The following PDZRN4 variants were observed in gnomAD, a reference collection of about 807,000 sequenced individuals.
PDZRN4 encodes the protein PDZ domain containing ring finger 4.
Under a neutral mutation model 99.0 loss-of-function variants are expected in PDZRN4, and 70 were observed. That is an observed-to-expected ratio of 0.71 (90% CI 0.58 to 0.86). PDZRN4 has a LOEUF of 0.86. PDZRN4 is among the 40% of genes least tolerant of loss of function. The probability of loss-of-function intolerance (pLI) is 0.00; values close to 1 mark genes in which losing one functional copy is unlikely to be tolerated. For missense variants in PDZRN4, 1,474 were observed against 1,331.2 expected (o/e 1.11, Z -1.67); for synonymous variants, 551 against 501.6 (o/e 1.10, Z -1.32).
At chr12:41,485,089 T>C (rs1312954513) in intron 3 of PDZRN4, among the ~76,000 whole-genome samples, 1 of 152,168 alleles carries the variant, frequency 6.6e-6, no homozygotes, top group Non-Finnish European at 1.5e-5. Flanking sequence ...AGAGTTCTGA[T>C]ATTAGTTGAT....
intron 3 of PDZRN4, among the ~76,000 whole-genome samples, chr12:41,238,431 C>T (rs1042772294): frequency 1.3e-5 from 2 of 152,106 alleles, no homozygotes; most frequent in African/African-American, 4.8e-5. Context: ...TTAGAGTGAA[C>T]AGAAAACCTA....
At position 41,506,494 on chromosome 12, in the gene PDZRN4, G is replaced by C. The variant is rs1212458561; in HGVS notation, c.882G>C (p.Glu294Asp). The C allele has an allele frequency of 1.2e-6, 2 of 1,613,586 alleles. No homozygotes were observed. The highest frequency in any genetic ancestry group is 2.7e-5 in the African/African-American group (2 of 74,914). ...ATCTTTCAAAGGCCACTCATGAAGA[G>C]GCAGTGGAAGCTTTTCGCAATGCCA... ...GKDLSKATHE[E>D]AVEAFRNAKE... is the part of the protein sequence containing the mutation. Residue 294 changes from glutamate (E) to aspartate (D), a missense_variant, in exon 4 of 10, where the codon GAG becomes GAC. Glu to Asp is a conservative substitution (Grantham distance 45). Transcript: ENST00000402685.
chr12:41,327,272 C>G (rs1262799799), intron 3 of PDZRN4, among the ~76,000 whole-genome samples: 1 of 152,188 alleles, frequency 6.6e-6, no homozygotes, highest in Non-Finnish European at 1.5e-5. Flanking sequence ...TGAGCATATC[C>G]TCCTGTGGGT....
intron 5 of PDZRN4, among the ~76,000 whole-genome samples, chr12:41,517,323 A>C (rs1035589823): frequency 6.6e-6 from 1 of 152,104 alleles, no homozygotes; most frequent in Non-Finnish European, 1.5e-5. Context: ...GCCGACATTC[A>C]ATTTTTGTTT....
chr12:41,352,153 T>C (rs536105285), intron 3 of PDZRN4, among the ~76,000 whole-genome samples: 1 of 152,140 alleles, frequency 6.6e-6, no homozygotes, highest in East Asian at 1.9e-4. Context: ...TGCACTGGAT[T>C]TGGCAAATGA....
At chr12:41,378,187 G>T (rs1358601904) in intron 3 of PDZRN4, among the ~76,000 whole-genome samples, 1 of 152,144 alleles carries the variant, frequency 6.6e-6, no homozygotes, top group Non-Finnish European at 1.5e-5. Context: ...TATCAAGAAA[G>T]AATGTGGAAT....
chr12:41,261,354 A>G (rs544610278), intron 3 of PDZRN4, among the ~76,000 whole-genome samples: 26 of 152,334 alleles, frequency 1.7e-4, no homozygotes, highest in African/African-American at 5.8e-4. Context: ...CATGTGGATT[A>G]TTTGTTAGAA....
intron 3 of PDZRN4, among the ~76,000 whole-genome samples, chr12:41,200,415 A>G (rs1950807069): frequency 1.3e-5 from 2 of 152,292 alleles, no homozygotes; most frequent in South Asian, 4.1e-4. Context: ...GCCTACAAAA[A>G]AAGACTGGAA....
intron 3 of PDZRN4, among the ~76,000 whole-genome samples, chr12:41,333,498 G>A (rs144976453): frequency 2.0e-5 from 3 of 152,212 alleles, no homozygotes; most frequent in African/African-American, 4.8e-5. Flanking sequence ...CTTCAGACCA[G>A]GGTCATTGCT....
At chr12:41,206,342 G>A (rs76822779) in intron 3 of PDZRN4, among the ~76,000 whole-genome samples, 1,780 of 151,938 alleles carry the variant, frequency 0.012, 40 homozygotes, top group African/African-American at 0.04. Flanking sequence ...TACTTGCAAA[G>A]ACTTGGTATT....
chr12:41,484,660 G>A (rs958702985), intron 3 of PDZRN4, among the ~76,000 whole-genome samples: 19 of 152,076 alleles, frequency 1.2e-4, no homozygotes, highest in African/African-American at 4.6e-4. Context: ...ATATAACCCT[G>A]ACCAAACCAA....
At position 41,483,737 on chromosome 12, in the gene PDZRN4, T is replaced by C. The variant is rs142100688; in HGVS notation, c.844-22719T>C. On this transcript the variant is annotated intron_variant, in intron 3 of 9. Coordinates refer to ENST00000402685, the MANE Select transcript of PDZRN4 (RefSeq NM_001164595.2). ...ATAAATTATGGCATCTTACTGCTAG[T>C]CTTTTTTTAAAGATTTTGGGCAGCT... is the stretch of plus-strand genomic sequence containing the variant. Among the ~76,000 whole-genome samples the C allele has an allele frequency of 9.2e-5, 14 of 152,282 alleles. No individual in the cohort carries two copies. In the East Asian group the frequency reaches 1.5e-3, roughly 17 times the overall value.
chr12:41,312,707 G>C (rs1348751893), intron 3 of PDZRN4, among the ~76,000 whole-genome samples: 2 of 151,990 alleles, frequency 1.3e-5, no homozygotes, highest in Non-Finnish European at 1.5e-5. Flanking sequence ...TACTAGAACA[G>C]CATGGGAAAG....
chr12:41,282,148 C>G (rs1951390095), intron 3 of PDZRN4, among the ~76,000 whole-genome samples: 1 of 152,106 alleles, frequency 6.6e-6, no homozygotes, highest in African/African-American at 2.4e-5. Flanking sequence ...CAACGATACA[C>G]ATAGGCTCAA....
At chr12:41,218,560 C>G (rs1017950386) in intron 3 of PDZRN4, among the ~76,000 whole-genome samples, 1 of 149,552 alleles carries the variant, frequency 6.7e-6, no homozygotes, top group Non-Finnish European at 1.5e-5. Context: ...TACTGACATA[C>G]CCCCTGTAAA....
intron 3 of PDZRN4, among the ~76,000 whole-genome samples, chr12:41,214,383 C>T (rs1053379376): frequency 1.6e-4 from 21 of 130,838 alleles, no homozygotes; most frequent in Non-Finnish European, 2.8e-4. Context: ...GAGACATGAC[C>T]ACCCCACTGC....
chr12:41,477,865 G>A, intron 3 of PDZRN4: 2 of 1,541,546 alleles, frequency 1.3e-6, no homozygotes, highest in South Asian at 1.2e-5. Context: ...CATTTTTCAG[G>A]TAAGAGACAA....
intron 3 of PDZRN4, among the ~76,000 whole-genome samples, chr12:41,441,018 C>A (rs1389209089): frequency 6.6e-6 from 1 of 152,022 alleles, no homozygotes; most frequent in Non-Finnish European, 1.5e-5. Flanking sequence ...ATACTTAAAT[C>A]TAATGACGTT....
intron 3 of PDZRN4, among the ~76,000 whole-genome samples, chr12:41,327,918 ATTTG>A (rs1445449909): frequency 6.6e-6 from 1 of 152,196 alleles, no homozygotes; most frequent in East Asian, 1.9e-4. Context: ...ATTCAAATAT[ATTTG>A]TTTTAGTCTT....
Sources: allele counts gnomAD v4.1 joint callset (sites outside exome capture counted in the v4.1 genomes callset), GRCh38; gene constraint gnomAD v4.1.1; transcripts MANE v1.5; gene names NCBI Gene and HGNC (gene_info 2026-07-23, HGNC 2026-07-21).